Variants in RAP1GDS1 observed in about 807,000 individuals in gnomAD.
RAP1GDS1 encodes RAP1, GTP-GDP dissociation stimulator 1.
RAP1GDS1 carries 35 observed loss-of-function variants against 71.1 expected under a neutral mutation model. The observed-to-expected ratio is 0.49, with a 90% confidence interval of 0.38 to 0.65. The LOEUF (loss-of-function observed/expected upper bound fraction) is 0.65. Ranked by LOEUF, RAP1GDS1 falls within the 30% of genes least tolerant of loss-of-function variation. RAP1GDS1 has a pLI of 0.00. For missense variants in RAP1GDS1, 663 were observed against 706.1 expected, an observed-to-expected ratio of 0.94 and a Z score of 0.69; for synonymous variants, 229 against 243.1, an observed-to-expected ratio of 0.94 and a Z score of 0.54.
At chr4:98,326,016 C>T (rs1359131821) in intron 2 of RAP1GDS1, among the ~76,000 whole-genome samples, 1 of 151,934 alleles carries the variant, frequency 6.6e-6, no homozygotes, top group East Asian at 1.9e-4. Context: ...CTCCTGATGT[C>T]TTAAACAAAA....
intron 1 of RAP1GDS1, among the ~76,000 whole-genome samples, chr4:98,278,044 C>G (rs148654494): frequency 2.0e-5 from 3 of 152,082 alleles, no homozygotes; most frequent in African/African-American, 7.2e-5. Context: ...GTGGCCAACA[C>G]GGCTACTAAA....
chr4:98,277,324 A>G (rs1320312524), intron 1 of RAP1GDS1, among the ~76,000 whole-genome samples: 1 of 152,210 alleles, frequency 6.6e-6, no homozygotes, highest in African/African-American at 2.4e-5. Flanking sequence ...CATTTTTAAA[A>G]AGACACTACA....
At chr4:98,263,143 C>G (rs997948537) in intron 1 of RAP1GDS1, among the ~76,000 whole-genome samples, 5 of 152,062 alleles carry the variant, frequency 3.3e-5, no homozygotes, top group African/African-American at 1.2e-4. Context: ...AGATAAAATA[C>G]ACTTTGAAAT....
At chr4:98,440,643 T>G (rs1476835114) in intron 14 of RAP1GDS1, among the ~76,000 whole-genome samples, 3 of 152,206 alleles carry the variant, frequency 2.0e-5, no homozygotes, top group African/African-American at 7.2e-5. Context: ...TATATCTTCT[T>G]TGGAGAAATG....
At chr4:98,380,205 G>T (rs969256402) in intron 5 of RAP1GDS1, among the ~76,000 whole-genome samples, 1 of 151,682 alleles carries the variant, frequency 6.6e-6, no homozygotes, top group African/African-American at 2.4e-5. Flanking sequence ...CTATTGAAAG[G>T]GGAAAACCAC....
At chr4:98,281,024 A>T (rs1381133734) in intron 1 of RAP1GDS1, among the ~76,000 whole-genome samples, 1 of 152,160 alleles carries the variant, frequency 6.6e-6, no homozygotes, top group African/African-American at 2.4e-5. Context: ...CTTGTAGTAT[A>T]GTTTGAAGTC....
intron 6 of RAP1GDS1, 142 bp downstream of exon 6, chr4:98,392,222 A>T (rs1743813388): frequency 1.2e-6 from 1 of 820,568 alleles, no homozygotes; most frequent in African/African-American, 1.8e-5. Context: ...TTCCATCAAT[A>T]TTTTAAAAAG....
chr4:98,352,304 G>A (rs1737324627), intron 3 of RAP1GDS1, among the ~76,000 whole-genome samples, 172 bp from the exon 4 acceptor site: 1 of 152,122 alleles, frequency 6.6e-6, no homozygotes, highest in African/African-American at 2.4e-5. Context: ...TTTTAGTAGG[G>A]CTGTAACAGG....
At chr4:98,417,151 C>T (rs891308815) in intron 8 of RAP1GDS1, among the ~76,000 whole-genome samples, 6 of 152,120 alleles carry the variant, frequency 3.9e-5, no homozygotes, top group Admixed American at 3.9e-4. Context: ...TAAAGAAAAG[C>T]TAGATGGCTC....
At chr4:98,391,525 T>C (rs999988325) in intron 5 of RAP1GDS1, among the ~76,000 whole-genome samples, 2 of 152,130 alleles carry the variant, frequency 1.3e-5, no homozygotes, top group South Asian at 4.1e-4. Flanking sequence ...AAGATTTTTT[T>C]CTTTCTTGGT....
chr4:98,418,766 T>C lies in RAP1GDS1; in HGVS notation c.1149T>C (p.Ser383=). 1 of 1,600,482 alleles carries C rather than the reference T, an allele frequency of 6.2e-7. No individual in the cohort carries two copies. Among genetic ancestry groups the C allele is most frequent in the Non-Finnish European group, 8.5e-7 (1 of 1,174,520 alleles). The change falls in exon 10 of 15, where the codon AGT becomes AGC. Residue 383 remains serine, a synonymous_variant. Transcript: ENST00000408927. ...GNVTVQHAAL[S]ALRNLAIPVI... is the part of the protein sequence containing the mutation. ...TAACAGTACAGCATGCAGCACTAAG[T>C]GCCCTCAGAAACCTGGCCATTCCAG...
chr4:98,308,152 A>G (rs1000202448), intron 2 of RAP1GDS1, among the ~76,000 whole-genome samples: 1 of 150,752 alleles, frequency 6.6e-6, no homozygotes, highest in African/African-American at 2.4e-5. Flanking sequence ...ATATGTGTGT[A>G]TATATGTGTG....
chr4:98,293,712 C>T (rs1727296361), intron 2 of RAP1GDS1, among the ~76,000 whole-genome samples, 197 bp downstream of exon 2: 1 of 152,006 alleles, frequency 6.6e-6, no homozygotes, highest in African/African-American at 2.4e-5. Context: ...ATCCTCAAAG[C>T]CAAGCTGATA....
At chr4:98,381,415 A>C (rs77758478) in intron 5 of RAP1GDS1, among the ~76,000 whole-genome samples, 159 of 151,490 alleles carry the variant, frequency 1.0e-3, no homozygotes, top group African/African-American at 3.6e-3. Flanking sequence ...ATATCCTTTT[A>C]TGTATGTTTG....
At chr4:98,381,147 G>T (rs1039776724) in intron 5 of RAP1GDS1, among the ~76,000 whole-genome samples, 5 of 151,718 alleles carry the variant, frequency 3.3e-5, no homozygotes, top group East Asian at 1.9e-4. Context: ...AAATAACTTA[G>T]AGACTTTAGA....
intron 7 of RAP1GDS1, chr4:98,409,688 G>T: frequency 2.4e-6 from 1 of 423,776 alleles, no homozygotes; most frequent in South Asian, 2.1e-5. Context: ...GTTCCACCTA[G>T]AGAAGCGCAC....
At chr4:98,441,322 T>A in intron 14 of RAP1GDS1, 1 of 980,358 alleles carries the variant, frequency 1.0e-6, no homozygotes, top group South Asian at 4.7e-5. Context: ...GTAATTGAAG[T>A]TAAATAGAGA....
intron 7 of RAP1GDS1, among the ~76,000 whole-genome samples, chr4:98,405,523 GAGA>G (rs1447736216): frequency 6.6e-6 from 1 of 152,080 alleles, no homozygotes; most frequent in African/African-American, 2.4e-5. Context: ...AAGGAGAGTA[GAGA>G]AGGTGGGGAG....
chr4:98,344,039 A>G (rs1401157955), intron 3 of RAP1GDS1, among the ~76,000 whole-genome samples: 2 of 152,174 alleles, frequency 1.3e-5, no homozygotes, highest in African/African-American at 4.8e-5. Context: ...TTGCGTAATC[A>G]TCATGGCAGG....
Sources: allele counts gnomAD v4.1 joint callset (sites outside exome capture counted in the v4.1 genomes callset), GRCh38; gene constraint gnomAD v4.1.1; transcripts MANE v1.5; gene names NCBI Gene and HGNC (gene_info 2026-07-23, HGNC 2026-07-21).